The following ZER1 variants were observed in gnomAD, a reference collection of about 807,000 sequenced individuals.
The protein encoded by ZER1 is protein zer-1 homolog.
A neutral mutation model predicts 78.8 loss-of-function variants in ZER1; 11 were observed. The observed-to-expected ratio is 0.14, with a 90% CI of 0.09 to 0.23. ZER1 has a LOEUF of 0.23. Among genes scored for constraint, ZER1 ranks in the 10% least tolerant of loss-of-function variants. The pLI, the probability that ZER1 is intolerant of heterozygous loss-of-function variation, is 1.00. For synonymous variants in ZER1, 400 were observed against 407.0 expected, an observed-to-expected ratio of 0.98 and a Z score of 0.21; for missense variants, 588 against 996.9, an observed-to-expected ratio of 0.59 and a Z score of 5.52.
At chr9:128,764,155 C>T (rs1864134624) in intron 1 of ZER1, among the ~76,000 whole-genome samples, 1 of 152,096 alleles carries the variant, frequency 6.6e-6, no homozygotes, top group South Asian at 2.1e-4. Context: ...AGGTCCATGA[C>T]TATTTGCTAA....
At chr9:128,762,816 G>A (rs1008318582) in intron 1 of ZER1, among the ~76,000 whole-genome samples, 1 of 152,166 alleles carries the variant, frequency 6.6e-6, no homozygotes, top group Non-Finnish European at 1.5e-5. Context: ...CCTGGGCCCC[G>A]GGCATGGCCT....
intron 1 of ZER1, among the ~76,000 whole-genome samples, chr9:128,758,104 T>C (rs548458519): frequency 2.2e-4 from 34 of 151,854 alleles, no homozygotes; most frequent in African/African-American, 8.2e-4. Context: ...GTTTTTTTTT[T>C]TTAATTTTTA....
At chr9:128,735,494 C>G in intron 13 of ZER1, 63 bp from the exon 14 acceptor site, 1 of 1,487,568 alleles carries the variant, frequency 6.7e-7, no homozygotes, top group South Asian at 1.3e-5. Context: ...CTTTTCTTGT[C>G]TGAGGTTTCC....
intron 13 of ZER1, among the ~76,000 whole-genome samples, chr9:128,737,273 C>A (rs1863118045): frequency 6.6e-6 from 1 of 152,086 alleles, no homozygotes; most frequent in African/African-American, 2.4e-5. Flanking sequence ...GTGTGAGCCA[C>A]CGCATCCGGC....
rs1298221592 is a variant in ZER1, at chr9:128,755,610, G to A, written c.-45C>T. ...GCCACTCCAGGACAAGGATCCCCAG[G>A]GGCAACAGTGATTCCTGAATACTCA... On this transcript the variant is annotated 5_prime_UTR_variant, in exon 2 of 16. Coordinates refer to ENST00000291900, the MANE Select transcript of ZER1 (RefSeq NM_006336.4). This position sits in a 1 kb window ranked among gnomAD's most constrained non-coding sequence, Gnocchi z 5.6. 4 of 1,590,572 alleles carry A rather than the reference G, an allele frequency of 2.5e-6. No individual in the cohort carries two copies. The highest frequency in any genetic ancestry group is 8.6e-7 in the Non-Finnish European group (1 of 1,161,818).
intron 15 of ZER1, 47 bp from the exon 16 acceptor site, chr9:128,731,441 G>GGGGGGGGGGGGGGC: frequency 1.4e-6 from 1 of 704,906 alleles, no homozygotes; most frequent in South Asian, 1.4e-5. Flanking sequence ...CTTGGGTGGG[G>GGGGGGGGGGGGGGC]GTGAGCCCAG....
chr9:128,750,766 G>A lies in ZER1; in HGVS notation c.1209C>T (p.Cys403=). ...ALKLVITALK[C]HKYDRNIQVT... ...CTTGAATGTTCCTGTCATATTTGTGGCACTTGAGGGCCGTGATGACCAGCT... is the reference window on the plus strand; with the variant it reads ...CTTGAATGTTCCTGTCATATTTGTGACACTTGAGGGCCGTGATGACCAGCT... The change falls in exon 8 of 16, where the codon TGC becomes TGT. Residue 403 remains cysteine, a synonymous_variant. Transcript: ENST00000291900. 1.9e-6 allele frequency: 3 copies of A among 1,614,208 alleles called. No homozygotes were observed. The highest frequency in any genetic ancestry group is 2.5e-6 in the Non-Finnish European group (3 of 1,180,036).
intron 15 of ZER1, 64 bp from the exon 16 acceptor site, chr9:128,731,458 C>A: frequency 7.4e-7 from 1 of 1,355,950 alleles, no homozygotes; most frequent in Non-Finnish European, 1.0e-6. Flanking sequence ...CCAGCCCCTC[C>A]GAGATCATTA....
At chr9:128,756,637 TA>T (rs893428235) in intron 1 of ZER1, among the ~76,000 whole-genome samples, 11 of 151,782 alleles carry the variant, frequency 7.2e-5, no homozygotes, top group African/African-American at 2.2e-4. Flanking sequence ...GAAATCAGTT[TA>T]AAAAAAAAGT....
Position 128,755,723 on chromosome 9 carries a change from G to T in ZER1, c.-94-64C>A. ...GGGCTAGAACTATCAGTGGTCCCAT[G>T]TCCACGCTCTGAGTAGGGAAACTGA... On this transcript the variant is annotated intron_variant, in intron 1 of 15. Coordinates refer to ENST00000291900, the MANE Select transcript of ZER1 (RefSeq NM_006336.4). The surrounding 1 kb of genome is among the most constrained non-coding windows in gnomAD (Gnocchi z 5.6). The T allele has an allele frequency of 2.1e-6, 2 of 945,320 alleles. No individual in the cohort carries two copies. The highest frequency in any genetic ancestry group is 3.1e-6 in the Non-Finnish European group (2 of 650,922). 58.6% of individuals were successfully genotyped at this position (945,320 alleles called of 1,614,324 possible).
At chr9:128,733,013 T>C (rs915978856) in intron 15 of ZER1, 2 of 161,450 alleles carry the variant, frequency 1.2e-5, no homozygotes, top group Admixed American at 1.2e-4. Flanking sequence ...GATCTTCACA[T>C]TCAGCAAACT....
chr9:128,766,138 G>A (rs973689905), intron 1 of ZER1, among the ~76,000 whole-genome samples: 2 of 152,022 alleles, frequency 1.3e-5, no homozygotes, highest in African/African-American at 2.4e-5. Context: ...ATCACGAGGT[G>A]AAGAGATTGA....
rs1314958667 is a variant in ZER1 at position 128,751,184 on chromosome 9, T to C, written c.1123A>G (p.Ile375Val). The C allele has an allele frequency of 6.2e-7, 1 of 1,608,284 alleles. No individual in the cohort carries two copies. The highest frequency in any genetic ancestry group is 1.7e-5 in the Admixed American group (1 of 59,708). Residue 375 changes from isoleucine (I) to valine (V), a missense_variant, in exon 7 of 16, where the codon ATC (isoleucine) becomes GTC (valine). Ile to Val is a conservative substitution (Grantham distance 29). This residue lies in a region of ZER1 where 406 missense variants were observed against 660.1 expected (regional missense o/e 0.62). Transcript: ENST00000291900. The surrounding 1 kb of genome is among the most constrained non-coding windows in gnomAD (Gnocchi z 5.4). ...EHRPEITSRA[I>V]NLLFDIARIE... is the part of the protein sequence containing the mutation. Reference sequence around the variant, plus strand: ...CGGGCGATGTCAAAAAGCAAGTTGATGGCCCGCGAGGTGATCTCAGGCCGG... The same window carrying C: ...CGGGCGATGTCAAAAAGCAAGTTGACGGCCCGCGAGGTGATCTCAGGCCGG...
Position 128,751,007 on chromosome 9 carries a change from G to A in ZER1, c.1185+115C>T, listed in dbSNP as rs912148656. The A allele has an allele frequency of 1.2e-4, 172 of 1,455,984 alleles. No homozygotes were observed. The highest frequency in any genetic ancestry group is 1.4e-4 in the Non-Finnish European group (156 of 1,100,240). 90.2% of individuals were successfully genotyped at this position (1,455,984 alleles called of 1,614,324 possible). A position where few individuals can be genotyped will look rare whatever the true frequency, so the allele number is the denominator to read the frequency against. On this transcript the variant is annotated intron_variant, in intron 7 of 15. Coordinates refer to ENST00000291900, the MANE Select transcript of ZER1 (RefSeq NM_006336.4). This position sits in a 1 kb window ranked among gnomAD's most constrained non-coding sequence, Gnocchi z 5.4. ...GGCCCAGGCTGGGGTTCGGGTCCTG[G>A]GGCCCTGGGGACAGGGTGCAGAAGG...
Position 128,734,144 on chromosome 9 carries a change from A to AAAAAT in ZER1, c.2141-617_2141-616insATTTT. 6.2e-4 allele frequency among the ~76,000 whole-genome samples: 9 copies of AAAAAT among 14,446 alleles called. 2 individuals carry two copies. Among genetic ancestry groups the AAAAAT allele is most frequent in the African/African-American group, 1.5e-3 (8 of 5,356 alleles). 9.5% of individuals were successfully genotyped at this position (14,446 alleles called of 152,430 possible). A position where few individuals can be genotyped will look rare whatever the true frequency, so the allele number is the denominator to read the frequency against. On this transcript the variant is annotated intron_variant, in intron 14 of 15. Transcript: ENST00000291900. ...CTCCGTCTCAAAAAAAAAAAAAAAA[A>AAAAAT]ATATATATATATATATATAAAATCT...
At chr9:128,731,820 G>A (rs902318086) in intron 15 of ZER1, among the ~76,000 whole-genome samples, 8 of 152,210 alleles carry the variant, frequency 5.3e-5, no homozygotes, top group Non-Finnish European at 1.0e-4. Context: ...GATTCCCCTA[G>A]AGGCCCGGAT....
At position 128,754,086 on chromosome 9, in the gene ZER1, G is replaced by A. The variant is rs2132452253; in HGVS notation, c.159-127C>T. Reference sequence around the variant, plus strand: ...AAGTAGCAACCTCCTTCTCCTAAGAGTATCTGGTCAGATCCTGACTAAACT... The same window carrying A: ...AAGTAGCAACCTCCTTCTCCTAAGAATATCTGGTCAGATCCTGACTAAACT... On this transcript the variant is annotated intron_variant, in intron 2 of 15. Transcript: ENST00000291900. This position sits in a 1 kb window ranked among gnomAD's most constrained non-coding sequence, Gnocchi z 4.3. 18 of 1,216,756 alleles carry A rather than the reference G, an allele frequency of 1.5e-5. No individual in the cohort carries two copies. The South Asian group carries it at 2.6e-4, about 18-fold the overall frequency. The allele number at this position is 1,216,756 out of a possible 1,614,324, so 75.4% of individuals were successfully genotyped here. A position where few individuals can be genotyped will look rare whatever the true frequency, so the allele number is the denominator to read the frequency against.
At position 128,734,127 on chromosome 9, in the gene ZER1, CAAAA is replaced by C. The variant is rs1203049523; in HGVS notation, c.2141-603_2141-600del. Among the ~76,000 whole-genome samples the C allele has an allele frequency of 4.7e-3, 28 of 5,930 alleles. 1 individual carries two copies. Among genetic ancestry groups the C allele is most frequent in the African/African-American group, 0.013 (24 of 1,874 alleles). 3.9% of individuals were successfully genotyped at this position (5,930 alleles called of 152,430 possible). A position where few individuals can be genotyped will look rare whatever the true frequency, so the allele number is the denominator to read the frequency against. ...TGGGCGACAGAGCAAAACTCCGTCT[CAAAA>C]AAAAAAAAAAAAAATATATATATAT... On this transcript the variant is annotated intron_variant, in intron 14 of 15. Transcript: ENST00000291900.
intron 8 of ZER1, among the ~76,000 whole-genome samples, chr9:128,747,228 C>T (rs1863523815): frequency 2.0e-5 from 3 of 151,626 alleles, no homozygotes; most frequent in Non-Finnish European, 4.4e-5. Context: ...TACACACACA[C>T]ATACTGCCCC....
Sources: allele counts gnomAD v4.1 joint callset (sites outside exome capture counted in the v4.1 genomes callset), GRCh38; gene constraint gnomAD v4.1.1; regional missense constraint gnomAD v4.1.1; non-coding constraint Gnocchi (gnomAD v3.1); transcripts MANE v1.5; gene names NCBI Gene and HGNC (gene_info 2026-07-23, HGNC 2026-07-21).